The following CIDEA variants were observed in gnomAD, a reference collection of about 807,000 sequenced individuals.
The protein encoded by CIDEA is cell death inducing DFFA like effector a, also known as lipid transferase CIDEA.
A neutral mutation model predicts 18.2 loss-of-function variants in CIDEA; 10 were observed. The observed-to-expected ratio is 0.55, with a 90% confidence interval of 0.34 to 0.93. The LOEUF is 0.93. Ranked by LOEUF, CIDEA falls within the 40% of genes least tolerant of loss-of-function variation. The pLI, the probability that CIDEA is intolerant of heterozygous loss-of-function variation, is 0.02. For missense variants in CIDEA, 309 were observed against 293.1 expected (o/e 1.05, Z -0.40); for synonymous variants, 128 against 124.8 (o/e 1.03, Z -0.17).
At chr18:12,259,395 T>G (rs1229556216) in intron 1 of CIDEA, among the ~76,000 whole-genome samples, 1 of 152,206 alleles carries the variant, frequency 6.6e-6, no homozygotes, top group Admixed American at 6.5e-5. Context: ...CAAAACAACC[T>G]GCTCCCACAA....
At chr18:12,255,653 T>C (rs1479460440) in intron 1 of CIDEA, among the ~76,000 whole-genome samples, 1 of 152,144 alleles carries the variant, frequency 6.6e-6, no homozygotes, top group African/African-American at 2.4e-5. Flanking sequence ...CAACCACTTT[T>C]CCAGTGAATT....
intron 3 of CIDEA, among the ~76,000 whole-genome samples, chr18:12,270,595 A>C (rs1912484525): frequency 6.7e-6 from 1 of 149,122 alleles, no homozygotes; most frequent in South Asian, 2.2e-4. Context: ...AGGTTGAGGC[A>C]GATAATTGTT....
Position 12,272,359 on chromosome 18 carries a change from T to C in CIDEA, c.331-1734T>C, listed in dbSNP as rs531367755. Among the ~76,000 whole-genome samples the C allele has an allele frequency of 1.6e-3, 251 of 152,216 alleles. 1 individual carries two copies. The highest frequency in any genetic ancestry group is 6.8e-3 in the Middle Eastern group (2 of 294). On this transcript the variant is annotated intron_variant, in intron 3 of 4. Transcript: ENST00000320477. ...TTCTGAGTAGCTGGGATTACAGGCG[T>C]GCACCACCATGCCTGGCTAATTTTT...
chr18:12,264,708 C>T (rs368058204), intron 3 of CIDEA, among the ~76,000 whole-genome samples: 3 of 151,864 alleles, frequency 2.0e-5, no homozygotes, highest in South Asian at 2.1e-4. Flanking sequence ...CACCCGCCAC[C>T]ACGCCTGGCT....
chr18:12,274,410 G>T, intron 4 of CIDEA, 136 bp downstream of exon 4: 1 of 704,800 alleles, frequency 1.4e-6, no homozygotes, highest in Non-Finnish European at 2.4e-6. Flanking sequence ...ATGTTGTCTG[G>T]AGGTCAACTC....
chr18:12,270,906 T>TC (rs10673524), intron 3 of CIDEA, among the ~76,000 whole-genome samples: 1 of 139,660 alleles, frequency 7.2e-6, no homozygotes, highest in African/African-American at 2.6e-5. Flanking sequence ...TTTTTTTTTT[T>TC]TTTTTTTTTT....
Position 12,261,856 on chromosome 18 carries a change from C to A in CIDEA, c.39-969C>A, listed in dbSNP as rs1169780763. Reference sequence around the variant, plus strand: ...TCAGCCTCCCAAAGCACTGGAATTACAGGCATGAGAGCCACCATGCCCAGC... The same window carrying A: ...TCAGCCTCCCAAAGCACTGGAATTAAAGGCATGAGAGCCACCATGCCCAGC... On this transcript the variant is annotated intron_variant, in intron 1 of 4. Coordinates refer to ENST00000320477, the MANE Select transcript of CIDEA (RefSeq NM_001279.4). Among the ~76,000 whole-genome samples, 3 of 151,112 alleles carry A rather than the reference C, an allele frequency of 2.0e-5. No individual in the cohort carries two copies. The East Asian group carries it at 6.0e-4, about 30-fold the overall frequency.
chr18:12,254,885 G>C (rs1044452934), intron 1 of CIDEA: 2 of 1,300,502 alleles, frequency 1.5e-6, no homozygotes, highest in Non-Finnish European at 2.0e-6. Flanking sequence ...AGGGGCCCAG[G>C]CTTGGCCCCT....
In CIDEA at chr18:12,270,688, C is replaced by CAAAAAAAAAAAAA. The variant is rs68102741; in HGVS notation, c.331-3389_331-3377dup. Among the ~76,000 whole-genome samples the CAAAAAAAAAAAAA allele has an allele frequency of 8.0e-4, 58 of 72,804 alleles. 9 individuals carry two copies. Among genetic ancestry groups the CAAAAAAAAAAAAA allele is most frequent in the African/African-American group, 4.3e-3 (51 of 11,928 alleles). The allele number at this position is 72,804 out of a possible 152,430, so 47.8% of individuals were successfully genotyped here. On this transcript the variant is annotated intron_variant, in intron 3 of 4. Coordinates refer to ENST00000320477, the MANE Select transcript of CIDEA (RefSeq NM_001279.4). Reference sequence around the variant, plus strand: ...GGCGACAGAGCAAGACTCCGTCTCACAAAAAAAAAAAAAAAAAAAAAAAAA... The same window carrying CAAAAAAAAAAAAA: ...GGCGACAGAGCAAGACTCCGTCTCACAAAAAAAAAAAAAAAAAAAAAAAAAAAAAAAAAAAAAA...
chr18:12,271,891 G>A (rs1269037336), intron 3 of CIDEA, among the ~76,000 whole-genome samples: 1 of 152,174 alleles, frequency 6.6e-6, no homozygotes, highest in African/African-American at 2.4e-5. Context: ...CCCGCCCGGC[G>A]AGGCCCCAGC....
At chr18:12,256,178 T>C (rs116964614) in intron 1 of CIDEA, among the ~76,000 whole-genome samples, 601 of 152,336 alleles carry the variant, frequency 3.9e-3, no homozygotes, top group Non-Finnish European at 6.1e-3. Context: ...AAACACCTTT[T>C]CTTCCCTGCC....
intron 3 of CIDEA, among the ~76,000 whole-genome samples, chr18:12,272,199 T>G (rs1912568972): frequency 1.6e-5 from 2 of 127,848 alleles, no homozygotes; most frequent in African/African-American, 2.9e-5. Context: ...TGTTGTTGTT[T>G]GGTTGGGTTT....
rs965867242 is a variant in CIDEA at position 12,274,142 on chromosome 18, C to T, written c.380C>T (p.Ala127Val). The T allele has an allele frequency of 1.4e-5, 23 of 1,614,212 alleles. No homozygotes were observed. Among genetic ancestry groups the T allele is most frequent in the East Asian group, 4.5e-5 (2 of 44,886 alleles). Residue 127 changes from alanine (A) to valine (V), a missense_variant, in exon 4 of 5, where the codon GCG becomes GTG. Transcript: ENST00000320477. ...TCSPPKRSGI[A>V]RVTFDLYRLN... is the part of the protein sequence containing the mutation. ...TCGCCGCCGAAGAGGTCGGGAATAG[C>T]GAGAGTCACCTTCGACTTGTACAGG...
rs140308468 is a variant in CIDEA at position 12,269,110 on chromosome 18, G to A, written c.330+4657G>A. Among the ~76,000 whole-genome samples the A allele has an allele frequency of 1.0e-3, 157 of 152,268 alleles. 1 individual carries two copies. The East Asian group carries it at 0.025, about 24-fold the overall frequency. ...TGGAGTTGCAGGCACGAGCCACCACGACCAGCCACCAGGTTAATTTAACTC... is the reference window on the plus strand; with the variant it reads ...TGGAGTTGCAGGCACGAGCCACCACAACCAGCCACCAGGTTAATTTAACTC... On this transcript the variant is annotated intron_variant, in intron 3 of 4. Transcript: ENST00000320477.
chr18:12,273,524 G>A (rs750279634), intron 3 of CIDEA, among the ~76,000 whole-genome samples: 45 of 152,188 alleles, frequency 3.0e-4, no homozygotes, highest in Non-Finnish European at 4.6e-4. Context: ...CCACCCAGGG[G>A]TTCTGCTGCA....
At chr18:12,261,943 G>A (rs866957089) in intron 1 of CIDEA, among the ~76,000 whole-genome samples, 6 of 151,682 alleles carry the variant, frequency 4.0e-5, no homozygotes, top group Middle Eastern at 3.4e-3. Context: ...GCAGGAGGGA[G>A]GACTGCTTGA....
intron 3 of CIDEA, among the ~76,000 whole-genome samples, chr18:12,271,958 A>G (rs1912546509): frequency 6.6e-6 from 1 of 151,998 alleles, no homozygotes; most frequent in Non-Finnish European, 1.5e-5. Flanking sequence ...ATTTAGGGAG[A>G]GTAAAATTAA....
In CIDEA at chr18:12,274,104, C is replaced by T. The variant is rs115378276; in HGVS notation, c.342C>T (p.His114=). 550 of 1,614,154 alleles carry T rather than the reference C, an allele frequency of 3.4e-4. 2 individuals are homozygous for T. The Middle Eastern group carries it at 4.3e-3, about 13-fold the overall frequency. ...CCCCATTGTCACAGGGCAGCCAGCA[C>T]GTCCCCACTTGCTCGCCGCCGAAGA... ...KGQKWMPGSQ[H]VPTCSPPKRS... Residue 114 remains histidine, a synonymous_variant, in exon 4 of 5, where the codon CAC becomes CAT. Coordinates refer to ENST00000320477, the MANE Select transcript of CIDEA (RefSeq NM_001279.4).
intron 1 of CIDEA, among the ~76,000 whole-genome samples, chr18:12,257,373 C>T (rs560322478): frequency 6.6e-6 from 1 of 152,170 alleles, no homozygotes; most frequent in African/African-American, 2.4e-5. Context: ...ACCCATGACA[C>T]CAAAATATTT....
Sources: allele counts gnomAD v4.1 joint callset (sites outside exome capture counted in the v4.1 genomes callset), GRCh38; gene constraint gnomAD v4.1.1; transcripts MANE v1.5; gene names NCBI Gene and HGNC (gene_info 2026-07-23, HGNC 2026-07-21).